CPNE4: variants seen among roughly 807,000 people sequenced by gnomAD.
CPNE4 encodes copine-4.
In CPNE4, 25 loss-of-function variants were observed where a neutral mutation model predicts 67.9. The observed-to-expected ratio is 0.37, with a 90% confidence interval of 0.27 to 0.51. The LOEUF (loss-of-function observed/expected upper bound fraction) is 0.51, where lower values mean the gene tolerates loss of function less well. Among genes scored for constraint, CPNE4 ranks in the 20% least tolerant of loss-of-function variants. CPNE4 has a pLI of 0.93. For missense variants in CPNE4, 464 were observed against 690.8 expected (o/e 0.67, Z 3.68); for synonymous variants, 242 against 244.9 (o/e 0.99, Z 0.11).
chr3:131,699,219 T>C (rs1199518527), intron 4 of CPNE4, among the ~76,000 whole-genome samples: 1 of 152,232 alleles, frequency 6.6e-6, no homozygotes, highest in Non-Finnish European at 1.5e-5. Flanking sequence ...CATTACCCAA[T>C]AGAACATTCT....
upstream of CPNE4, chr3:132,035,555 T>C (rs2074325040): frequency 6.6e-6 from 1 of 152,196 alleles, no homozygotes; most frequent in East Asian, 1.9e-4. Context: ...GATAAAGAAA[T>C]ACTTAGGGAG....
At chr3:131,592,112 C>T (rs1484653316) in intron 7 of CPNE4, among the ~76,000 whole-genome samples, 1 of 152,194 alleles carries the variant, frequency 6.6e-6, no homozygotes, top group Non-Finnish European at 1.5e-5. Context: ...TCACCCAGTA[C>T]AGAGTGGACT....
intron 7 of CPNE4, among the ~76,000 whole-genome samples, chr3:131,663,833 G>T (rs1170861831): frequency 6.6e-6 from 1 of 152,098 alleles, no homozygotes; most frequent in East Asian, 1.9e-4. Flanking sequence ...CCCCTTAGTG[G>T]GTTCCTGGGT....
chr3:131,903,998 G>A (rs1489563379), intron 2 of CPNE4, among the ~76,000 whole-genome samples: 12 of 152,036 alleles, frequency 7.9e-5, no homozygotes, highest in African/African-American at 2.4e-4. Context: ...ATCCTTCCCA[G>A]AATAAACTTT....
chr3:131,918,020 T>C (rs2070623221), intron 1 of CPNE4, among the ~76,000 whole-genome samples: 1 of 152,182 alleles, frequency 6.6e-6, no homozygotes, highest in Non-Finnish European at 1.5e-5. Context: ...TTTGGGTAAT[T>C]ATGTGTCTGT....
chr3:131,801,010 G>A (rs1458373880), intron 2 of CPNE4, among the ~76,000 whole-genome samples: 3 of 152,052 alleles, frequency 2.0e-5, no homozygotes, highest in African/African-American at 7.2e-5. Flanking sequence ...GAAAAAGGTA[G>A]AGATGAGAAA....
chr3:131,831,138 A>G (rs1314699613), intron 2 of CPNE4, among the ~76,000 whole-genome samples: 1 of 152,082 alleles, frequency 6.6e-6, no homozygotes, highest in East Asian at 1.9e-4. Flanking sequence ...TTCAAAATGG[A>G]AACAATAAGC....
chr3:131,680,572 A>G (rs1472609962), intron 6 of CPNE4, among the ~76,000 whole-genome samples: 1 of 152,106 alleles, frequency 6.6e-6, no homozygotes, highest in Non-Finnish European at 1.5e-5. Flanking sequence ...ATTTCCTTTC[A>G]TAGAAAGAAA....
intron 2 of CPNE4, among the ~76,000 whole-genome samples, chr3:131,799,022 C>CT (rs923870697): frequency 3.3e-5 from 5 of 151,888 alleles, no homozygotes; most frequent in South Asian, 2.1e-4. Flanking sequence ...ATTAAAGACA[C>CT]TTTTTTTTCA....
chr3:131,985,650 T>C (rs901296251), intron 1 of CPNE4, among the ~76,000 whole-genome samples: 2 of 152,168 alleles, frequency 1.3e-5, no homozygotes, highest in Non-Finnish European at 2.9e-5. Context: ...CAGGTTTATA[T>C]ACAAAATAAA....
intron 9 of CPNE4, among the ~76,000 whole-genome samples, chr3:131,579,243 TGGCA>T (rs1419414968): frequency 1.3e-5 from 2 of 152,206 alleles, no homozygotes; most frequent in African/African-American, 4.8e-5. Context: ...AAAGCCTGGA[TGGCA>T]TCACATCTGT....
At chr3:131,849,108 T>A (rs998591727) in intron 2 of CPNE4, among the ~76,000 whole-genome samples, 2 of 152,070 alleles carry the variant, frequency 1.3e-5, no homozygotes, top group Admixed American at 1.3e-4. Flanking sequence ...TTGGTTTTAG[T>A]TTTTCACCCT....
chr3:131,742,536 C>T (rs1201718609), intron 2 of CPNE4, among the ~76,000 whole-genome samples: 1 of 152,026 alleles, frequency 6.6e-6, no homozygotes, highest in Non-Finnish European at 1.5e-5. Context: ...TATATAATTG[C>T]ATGTATACAT....
chr3:131,868,136 G>A (rs1244934920), intron 2 of CPNE4, among the ~76,000 whole-genome samples: 1 of 152,098 alleles, frequency 6.6e-6, no homozygotes, highest in Non-Finnish European at 1.5e-5. Flanking sequence ...GATGATGGAG[G>A]TAGCAAAGAT....
At chr3:131,953,191 T>C (rs1204439386) in intron 1 of CPNE4, among the ~76,000 whole-genome samples, 1 of 139,660 alleles carries the variant, frequency 7.2e-6, no homozygotes. Context: ...TATTGTCATA[T>C]GACCCTGCCA....
chr3:131,706,987 C>A (rs147001773), intron 3 of CPNE4, among the ~76,000 whole-genome samples: 4 of 152,290 alleles, frequency 2.6e-5, no homozygotes, highest in Non-Finnish European at 5.9e-5. Context: ...AATGTTGTAG[C>A]CTGACCACCT....
At chr3:131,769,084 T>C (rs2083098486) in intron 2 of CPNE4, among the ~76,000 whole-genome samples, 1 of 152,164 alleles carries the variant, frequency 6.6e-6, no homozygotes. Flanking sequence ...GAAAAACCTA[T>C]ATTTTATTGC....
upstream of CPNE4, chr3:132,037,964 A>T (rs116231885): frequency 2.4e-3 from 436 of 181,642 alleles, 1 homozygote; most frequent in Middle Eastern, 6.8e-3. Flanking sequence ...GTGAGCATTT[A>T]GTTTTGAAAT....
intron 2 of CPNE4, among the ~76,000 whole-genome samples, chr3:131,852,366 AT>A (rs1221358728): frequency 6.6e-6 from 1 of 152,040 alleles, no homozygotes; most frequent in Non-Finnish European, 1.5e-5. Flanking sequence ...TTGGTTTAAT[AT>A]TTGAAAATGA....
Sources: allele counts gnomAD v4.1 joint callset (sites outside exome capture counted in the v4.1 genomes callset), GRCh38; gene constraint gnomAD v4.1.1; transcripts MANE v1.5; gene names NCBI Gene and HGNC (gene_info 2026-07-23, HGNC 2026-07-21).